The following RDX variants were observed in gnomAD, a reference collection of about 807,000 sequenced individuals.
RDX encodes the protein radixin.
Under a neutral mutation model 83.7 loss-of-function variants are expected in RDX, and 32 were observed. That is an observed-to-expected ratio of 0.38 (90% CI 0.29 to 0.51). The LOEUF (loss-of-function observed/expected upper bound fraction) is 0.51, where lower values mean the gene tolerates loss of function less well. RDX is among the 20% of genes least tolerant of loss of function. The pLI is 0.87. For missense variants in RDX, 600 were observed against 689.9 expected (o/e 0.87, Z 1.46); for synonymous variants, 229 against 222.7 (o/e 1.03, Z -0.25).
At chr11:110,189,265 A>G (rs1399754950) in intron 15 of RDX, among the ~76,000 whole-genome samples, 1 of 147,728 alleles carries the variant, frequency 6.8e-6, no homozygotes, top group Non-Finnish European at 1.5e-5. Flanking sequence ...AAAAAAAAAA[A>G]AAAGACAAGG....
At chr11:110,184,191 C>A (rs1191140328) in intron 15 of RDX, among the ~76,000 whole-genome samples, 2 of 152,188 alleles carry the variant, frequency 1.3e-5, no homozygotes, top group Non-Finnish European at 2.9e-5. Flanking sequence ...ACTGTGGCAG[C>A]AACAGGGATG....
At chr11:110,176,499 C>A (rs1326002090) in intron 15 of RDX, among the ~76,000 whole-genome samples, 2 of 152,176 alleles carry the variant, frequency 1.3e-5, no homozygotes, top group Non-Finnish European at 2.9e-5. Flanking sequence ...CTGCTCCCCC[C>A]AGCCACGGGG....
chr11:110,229,152 C>T (rs1864530779), downstream of RDX, among the ~76,000 whole-genome samples: 2 of 151,844 alleles, frequency 1.3e-5, no homozygotes, highest in Non-Finnish European at 2.9e-5. Context: ...CTGTATCTTC[C>T]TCAGGAAAAA....
intron 5 of RDX, among the ~76,000 whole-genome samples, chr11:110,262,847 TAGGTCTTCTG>T (rs1264067794): frequency 6.6e-6 from 1 of 152,146 alleles, no homozygotes; most frequent in Non-Finnish European, 1.5e-5. Context: ...ACTCAAAATT[TAGGTCTTCTG>T]ATAATTTTTT....
intron 15 of RDX, among the ~76,000 whole-genome samples, chr11:110,197,735 T>A (rs181895312): frequency 6.6e-6 from 1 of 152,318 alleles, no homozygotes; most frequent in Non-Finnish European, 1.5e-5. Flanking sequence ...AAGAAATGGC[T>A]AAAGATAAAT....
intron 7 of RDX, among the ~76,000 whole-genome samples, chr11:110,256,435 G>A (rs754329162): frequency 3.3e-5 from 5 of 152,154 alleles, no homozygotes; most frequent in East Asian, 1.9e-4. Context: ...ACTATGCTAC[G>A]TTTATATGCT....
At chr11:110,207,831 T>C (rs1352597401) in intron 14 of RDX, among the ~76,000 whole-genome samples, 1 of 152,226 alleles carries the variant, frequency 6.6e-6, no homozygotes, top group Non-Finnish European at 1.5e-5. Flanking sequence ...CTGGGCCTTT[T>C]CATAAAGATC....
At chr11:110,226,135 A>AC (rs1864428145), downstream of RDX, among the ~76,000 whole-genome samples, 1 of 152,000 alleles carries the variant, frequency 6.6e-6, no homozygotes. Flanking sequence ...CTGGGTATGT[A>AC]CCCCAAAGAA....
chr11:110,268,311 GGAAAAA>G (rs1860142889), intron 3 of RDX, among the ~76,000 whole-genome samples: 3 of 131,774 alleles, frequency 2.3e-5, no homozygotes, highest in African/African-American at 8.8e-5. Flanking sequence ...TCTGTTTCGG[GGAAAAA>G]AAAAAAAAAA....
At chr11:110,218,759 C>T (rs545002195) in intron 14 of RDX, among the ~76,000 whole-genome samples, 9 of 152,322 alleles carry the variant, frequency 5.9e-5, no homozygotes, top group African/African-American at 2.2e-4. Context: ...ATCTTTGCCT[C>T]CTCGATTAAG....
At chr11:110,263,154 A>G (rs1345338740) in intron 5 of RDX, among the ~76,000 whole-genome samples, 1 of 152,230 alleles carries the variant, frequency 6.6e-6, no homozygotes, top group East Asian at 1.9e-4. Context: ...AGATGCCTGT[A>G]ATCCCAGCTA....
intron 2 of RDX, among the ~76,000 whole-genome samples, chr11:110,276,304 C>T (rs1165160246): frequency 6.6e-6 from 1 of 152,088 alleles, no homozygotes; most frequent in Non-Finnish European, 1.5e-5. Flanking sequence ...AAAGTCTGTG[C>T]TGTCACAAAT....
intron 1 of RDX, among the ~76,000 whole-genome samples, chr11:110,285,342 G>A (rs757701277): frequency 5.9e-4 from 90 of 152,010 alleles, no homozygotes; most frequent in Non-Finnish European, 1.1e-3. Flanking sequence ...CCAAGATCGC[G>A]CCACTGCACT....
chr11:110,264,208 C>T lies in RDX; in HGVS notation c.219G>A (p.Glu73=). 2 of 1,607,942 alleles carry T rather than the reference C, an allele frequency of 1.2e-6. No homozygotes were observed. The highest frequency in any genetic ancestry group is 2.2e-5 in the East Asian group (1 of 44,844). The change falls in exon 5 of 14, where the codon GAG becomes GAA. Residue 73 remains glutamate (E), a synonymous_variant. Coordinates refer to ENST00000645495, the MANE Select transcript of RDX (RefSeq NM_002906.4). ...CTCTAAACTTGAACTGTAAAGGATT[C>T]TCTTTTTTAACATCCTGCTGTGTTA... ...KKVTQQDVKK[E]NPLQFKFRAK...
chr11:110,283,507 T>A (rs1860848206), intron 1 of RDX, among the ~76,000 whole-genome samples: 3 of 152,250 alleles, frequency 2.0e-5, no homozygotes, highest in African/African-American at 4.8e-5. Flanking sequence ...ATAAGTAAAC[T>A]AAAGTTGGAC....
chr11:110,187,551 A>G (rs757474410), intron 15 of RDX, among the ~76,000 whole-genome samples: 1 of 152,214 alleles, frequency 6.6e-6, no homozygotes, highest in Non-Finnish European at 1.5e-5. Context: ...CTCCTAGAGC[A>G]GGAGTTTAGG....
chr11:110,283,891 G>GTA (rs1384825374), intron 1 of RDX, among the ~76,000 whole-genome samples: 9 of 151,962 alleles, frequency 5.9e-5, no homozygotes, highest in African/African-American at 1.9e-4. Flanking sequence ...ATTTGCAACA[G>GTA]TATAATAAAG....
rs1395517131 is a variant in RDX at position 110,257,882 on chromosome 11, C to T, written c.583G>A (p.Ala195Thr). 1.2e-6 allele frequency: 2 copies of T among 1,611,950 alleles called. No homozygotes were observed. The highest frequency in any genetic ancestry group is 2.7e-5 in the African/African-American group (2 of 74,826). The change falls in exon 7 of 14, where the codon GCA (alanine) becomes ACA (threonine). Residue 195 changes from alanine (A) to threonine (T), a missense_variant. Transcript: ENST00000645495. ...EDSMMEYLKI[A>T]QDLEMYGVNY... ...ACTCCATACATTTCTAGATCTTGTG[C>T]AATCTTCAGGTATTCCATCATAGAA...
intron 2 of RDX, among the ~76,000 whole-genome samples, chr11:110,277,843 T>G (rs1457253310): frequency 6.6e-6 from 1 of 152,214 alleles, no homozygotes; most frequent in Non-Finnish European, 1.5e-5. Flanking sequence ...GTTCAAATTT[T>G]CTGTGTATTA....
Sources: allele counts gnomAD v4.1 joint callset (sites outside exome capture counted in the v4.1 genomes callset), GRCh38; gene constraint gnomAD v4.1.1; transcripts MANE v1.5; gene names NCBI Gene and HGNC (gene_info 2026-07-23, HGNC 2026-07-21).